PHC3: variants seen among roughly 807,000 people sequenced by gnomAD.
The protein encoded by PHC3 is polyhomeotic homolog 3.
Under a neutral mutation model 107.4 loss-of-function variants are expected in PHC3, and 13 were observed. The ratio of observed to expected loss-of-function variants is 0.12; its 90% CI spans 0.08 to 0.19. The LOEUF (loss-of-function observed/expected upper bound fraction) is 0.19, where lower values mean the gene tolerates loss of function less well. PHC3 is among the 10% of genes least tolerant of loss of function. The pLI, the probability that PHC3 is intolerant of heterozygous loss-of-function variation, is 1.00. For synonymous variants in PHC3, 456 were observed against 427.4 expected (o/e 1.07, Z -0.83); for missense variants, 992 against 1,210.9 (o/e 0.82, Z 2.68).
At chr3:170,134,517 T>C (rs1420321634) in intron 7 of PHC3, among the ~76,000 whole-genome samples, 1 of 152,098 alleles carries the variant, frequency 6.6e-6, no homozygotes, top group Non-Finnish European at 1.5e-5. Context: ...TTATACATTA[T>C]ATCAAAGCCT....
At chr3:170,098,270 TGA>T (rs772838859) in intron 14 of PHC3, among the ~76,000 whole-genome samples, 5 of 152,070 alleles carry the variant, frequency 3.3e-5, no homozygotes, top group Non-Finnish European at 5.9e-5. Context: ...GTAGCTGAGA[TGA>T]GAGAATATAA....
At chr3:170,136,724 A>G (rs952795103) in intron 6 of PHC3, 59 bp from the exon 7 acceptor site, 43 of 1,541,108 alleles carry the variant, frequency 2.8e-5, no homozygotes, top group Non-Finnish European at 3.7e-5. Flanking sequence ...TGATGTGGTC[A>G]TCATTACCAT....
intron 4 of PHC3, chr3:170,170,674 A>G (rs1408053731): frequency 3.3e-5 from 5 of 152,286 alleles, no homozygotes; most frequent in Middle Eastern, 3.4e-3. Flanking sequence ...CATGTAGTGG[A>G]AAAGAATGAA....
At chr3:170,166,498 C>T (rs969621075) in intron 4 of PHC3, among the ~76,000 whole-genome samples, 3 of 152,086 alleles carry the variant, frequency 2.0e-5, no homozygotes, top group Non-Finnish European at 4.4e-5. Flanking sequence ...CTATAATATT[C>T]CACTGTAGGA....
At position 170,153,979 on chromosome 3, in the gene PHC3, T is replaced by C. The variant is rs529500323; in HGVS notation, c.415-4735A>G. Reference sequence around the variant, plus strand: ...ATGTCCCAGCCCATCTGCAGCTACATAGTGAACAACTTCTCAAAAATCACC... The same window carrying C: ...ATGTCCCAGCCCATCTGCAGCTACACAGTGAACAACTTCTCAAAAATCACC... On this transcript the variant is annotated intron_variant, in intron 4 of 14. Transcript: ENST00000495893. Among the ~76,000 whole-genome samples the C allele has an allele frequency of 2.0e-5, 3 of 152,222 alleles. No individual in the cohort carries two copies. In the South Asian group the frequency reaches 6.2e-4, roughly 32 times the overall value.
chr3:170,152,108 T>G (rs1726089455), intron 4 of PHC3, among the ~76,000 whole-genome samples: 1 of 152,026 alleles, frequency 6.6e-6, no homozygotes, highest in Non-Finnish European at 1.5e-5. Flanking sequence ...AATGTATAAA[T>G]CAATGCATAA....
intron 2 of PHC3, 21 bp downstream of exon 2, chr3:170,178,752 C>T: frequency 6.2e-7 from 1 of 1,612,066 alleles, no homozygotes; most frequent in African/African-American, 1.3e-5. Flanking sequence ...CTTAGACTAC[C>T]CATCACTACA....
chr3:170,104,109 T>C (rs992353626), intron 12 of PHC3, among the ~76,000 whole-genome samples: 15 of 151,946 alleles, frequency 9.9e-5, no homozygotes, highest in African/African-American at 3.6e-4. Flanking sequence ...AAATAGAAAA[T>C]ATTGAATAAG....
Position 170,111,394 on chromosome 3 carries a change from G to GAGGAAGGAAGGAAGGAAGGAAGGAAGGA in PHC3, c.2353+1965_2353+1966insTCCTTCCTTCCTTCCTTCCTTCCTTCCT, listed in dbSNP as rs750463123. ...AAAGAAAGAAAGAGAGAGAAAGAAA[G>GAGGAAGGAAGGAAGGAAGGAAGGAAGGA]AGGAAGGAAGGAAGGAAGGAAGGAA... On this transcript the variant is annotated intron_variant, in intron 11 of 14. Coordinates refer to ENST00000495893, the MANE Select transcript of PHC3 (RefSeq NM_024947.4). Among the ~76,000 whole-genome samples the GAGGAAGGAAGGAAGGAAGGAAGGAAGGA allele has an allele frequency of 1.8e-3, 252 of 142,124 alleles. 6 individuals carry two copies. The East Asian group carries it at 0.048, about 27-fold the overall frequency. The allele number at this position is 142,124 out of a possible 152,430, so 93.2% of individuals were successfully genotyped here. A position where few individuals can be genotyped will look rare whatever the true frequency, so the allele number is the denominator to read the frequency against.
chr3:170,146,876 T>A (rs1311520843), intron 5 of PHC3, among the ~76,000 whole-genome samples: 2 of 146,368 alleles, frequency 1.4e-5, no homozygotes, highest in African/African-American at 2.5e-5. Flanking sequence ...ATCTATTTTT[T>A]CTTTTTTTTT....
intron 11 of PHC3, among the ~76,000 whole-genome samples, chr3:170,112,571 T>C (rs1198223069): frequency 6.7e-6 from 1 of 149,136 alleles, no homozygotes; most frequent in Non-Finnish European, 1.5e-5. Context: ...TCACCCAGGC[T>C]GGAGCACAGT....
At position 170,091,493 on chromosome 3, in the gene PHC3, C is replaced by T. The variant is rs1012249469; in HGVS notation, c.*5737G>A. ...CACTATGTTGTACCTCTAACATTTC[C>T]GATTAAAATTGTCATCTTTAAGTAA... On this transcript the variant is annotated 3_prime_UTR_variant, in exon 15 of 15. Transcript: ENST00000495893. 1 of 151,952 alleles carries T rather than the reference C, an allele frequency of 6.6e-6. No homozygotes were observed. Among genetic ancestry groups the T allele is most frequent in the African/African-American group, 2.4e-5 (1 of 41,318 alleles). The allele number at this position is 151,952 out of a possible 1,614,324, so 9.4% of individuals were successfully genotyped here. A position where few individuals can be genotyped will look rare whatever the true frequency, so the allele number is the denominator to read the frequency against.
intron 4 of PHC3, among the ~76,000 whole-genome samples, chr3:170,168,673 G>A (rs1185828310): frequency 3.5e-5 from 5 of 143,430 alleles, no homozygotes; most frequent in Non-Finnish European, 4.5e-5. Flanking sequence ...AGAATGGCGT[G>A]AACTCGGGAG....
At chr3:170,178,650 G>T in intron 2 of PHC3, 123 bp downstream of exon 2, 1 of 1,084,506 alleles carries the variant, frequency 9.2e-7, no homozygotes, top group Non-Finnish European at 1.4e-6. Flanking sequence ...TGAGACAGTT[G>T]ATTGAAACAT....
chr3:170,126,874 C>T (rs1176540375), intron 8 of PHC3, among the ~76,000 whole-genome samples: 2 of 151,848 alleles, frequency 1.3e-5, no homozygotes, highest in Non-Finnish European at 2.9e-5. Flanking sequence ...TCCTCTATAG[C>T]TTCCCCTAAC....
At position 170,120,352 on chromosome 3, in the gene PHC3, G is replaced by A. The variant is rs563199579; in HGVS notation, c.1942+2239C>T. 1.7e-4 allele frequency among the ~76,000 whole-genome samples: 26 copies of A among 152,176 alleles called. 1 individual carries two copies. Among genetic ancestry groups the A allele is most frequent in the South Asian group, 6.2e-4 (3 of 4,822 alleles). ...TGTAATCCCAGCATTTTGGGAGGCC[G>A]AAGTGGGTGGATCACCTGAGGTCAA... On this transcript the variant is annotated intron_variant, in intron 9 of 14. Transcript: ENST00000495893.
At chr3:170,168,610 A>C (rs778761178) in intron 4 of PHC3, among the ~76,000 whole-genome samples, 2 of 151,770 alleles carry the variant, frequency 1.3e-5, no homozygotes, top group Non-Finnish European at 2.9e-5. Context: ...AAAAATTAGC[A>C]GGGTGCGGTG....
intron 4 of PHC3, among the ~76,000 whole-genome samples, chr3:170,167,759 CAAA>C (rs5854368): frequency 1.5e-5 from 2 of 132,384 alleles, no homozygotes; most frequent in Non-Finnish European, 1.6e-5. Flanking sequence ...GGCTTCATCT[CAAA>C]AAAAAAAAAA....
chr3:170,090,671 T>C lies in PHC3; in HGVS notation c.*6559A>G, dbSNP rs1015538679. On this transcript the variant is annotated 3_prime_UTR_variant, in exon 15 of 15. Transcript: ENST00000495893. ...AACCCCATTACACAGCCTAGAATCA[T>C]AGTTTTAGAGCTGGGAGGTACCTTA... is the stretch of plus-strand genomic sequence containing the variant. 2.6e-5 allele frequency: 4 copies of C among 152,178 alleles called. No individual in the cohort carries two copies. Among genetic ancestry groups the C allele is most frequent in the African/African-American group, 9.7e-5 (4 of 41,426 alleles). 9.4% of individuals were successfully genotyped at this position (152,178 alleles called of 1,614,324 possible). A position where few individuals can be genotyped will look rare whatever the true frequency, so the allele number is the denominator to read the frequency against.
Sources: allele counts gnomAD v4.1 joint callset (sites outside exome capture counted in the v4.1 genomes callset), GRCh38; gene constraint gnomAD v4.1.1; transcripts MANE v1.5; gene names NCBI Gene and HGNC (gene_info 2026-07-23, HGNC 2026-07-21).